NUDT12: variants seen among roughly 807,000 people sequenced by gnomAD.
NUDT12 encodes the protein nudix hydrolase 12.
NUDT12 carries 42 observed loss-of-function variants against 45.7 expected under a neutral mutation model. The ratio of observed to expected loss-of-function variants is 0.92; its 90% CI spans 0.72 to 1.19. The LOEUF (loss-of-function observed/expected upper bound fraction) is 1.19, where lower values mean the gene tolerates loss of function less well. NUDT12 is among the 50% of genes most tolerant of loss of function. The pLI is 0.00. For missense variants in NUDT12, 590 were observed against 533.1 expected, an observed-to-expected ratio of 1.11 and a Z score of -1.05; for synonymous variants, 206 against 179.7, an observed-to-expected ratio of 1.15 and a Z score of -1.17.
At chr5:103,561,801 TTC>T (rs1402036322) in intron 1 of NUDT12, among the ~76,000 whole-genome samples, 1 of 152,210 alleles carries the variant, frequency 6.6e-6, no homozygotes, top group Non-Finnish European at 1.5e-5. Context: ...CTCCCTCACA[TTC>T]TCACAGGCCG....
At chr5:103,553,523 G>A (rs933518784) in intron 5 of NUDT12, among the ~76,000 whole-genome samples, 1 of 152,032 alleles carries the variant, frequency 6.6e-6, no homozygotes, top group Non-Finnish European at 1.5e-5. Context: ...TGTTCTGCTG[G>A]AGGAAGTGTA....
chr5:103,560,244 G>T lies in NUDT12; in HGVS notation c.5C>A (p.Ser2Tyr), dbSNP rs1731836557. 5 of 1,610,808 alleles carry T rather than the reference G, an allele frequency of 3.1e-6. 1 individual carries two copies. In the African/African-American group the frequency reaches 6.7e-5, roughly 21 times the overall value. Residue 2 changes from serine (S) to tyrosine (Y), a missense_variant, in exon 2 of 7, where the codon TCT becomes TAT. Ser to Tyr is a moderately radical substitution (Grantham distance 144). Transcript: ENST00000230792. ...TTGCTTCAGACTTCTTTTTACAGAA[G>T]ACATTTCTTCCTTAAAAGAAGGAAA... M[S>Y]SVKRSLKQEI...
Position 103,562,716 on chromosome 5 carries a change from C to T in NUDT12, c.-20G>A, listed in dbSNP as rs989582094. ...GCTTCTACTAACCCAAAGGTGACCACAGTAGAGGCAACCAGGATGCAGTCC... is the reference window on the plus strand; with the variant it reads ...GCTTCTACTAACCCAAAGGTGACCATAGTAGAGGCAACCAGGATGCAGTCC... On this transcript the variant is annotated 5_prime_UTR_variant, in exon 1 of 7. The change creates a new upstream start codon in the 5' untranslated region. Transcript: ENST00000230792. The T allele has an allele frequency of 1.4e-5, 2 of 147,982 alleles. No homozygotes were observed. The highest frequency in any genetic ancestry group is 7.0e-5 in the Admixed American group (1 of 14,236). The allele number at this position is 147,982 out of a possible 1,614,324, so 9.2% of individuals were successfully genotyped here. A position where few individuals can be genotyped will look rare whatever the true frequency, so the allele number is the denominator to read the frequency against.
chr5:103,562,595 A>C (rs1207900992), intron 1 of NUDT12, 108 bp downstream of exon 1: 1 of 151,768 alleles, frequency 6.6e-6, no homozygotes, highest in African/African-American at 2.4e-5. Flanking sequence ...CCGCCACACA[A>C]CTCAGCAGGG....
intron 3 of NUDT12, 81 bp from the exon 4 acceptor site, chr5:103,556,179 C>A: frequency 2.0e-6 from 2 of 978,028 alleles, no homozygotes; most frequent in East Asian, 3.0e-5. Flanking sequence ...TCTCAAGCTA[C>A]AATAAGAATA....
At chr5:103,557,009 A>G (rs1413893841) in intron 3 of NUDT12, among the ~76,000 whole-genome samples, 3 of 151,994 alleles carry the variant, frequency 2.0e-5, no homozygotes, top group African/African-American at 7.2e-5. Flanking sequence ...TTATTTCAGA[A>G]TCATCACAAT....
In NUDT12 at chr5:103,555,965, G is replaced by C. The variant is rs764262601; in HGVS notation, c.930C>G (p.Leu310=). The C allele has an allele frequency of 7.5e-6, 12 of 1,604,198 alleles. No individual in the cohort carries two copies. In the East Asian group the frequency reaches 2.7e-4, roughly 36 times the overall value. The stretch of plus-strand genomic sequence containing the variant: ...GGTATGAGGTATTATGGACGCCATT[G>C]AGACTAGGACAGTCTTCTTTTAAAC... The part of the protein sequence containing the change: ...RLCLKEDCPS[L]NGVHNTSYPR... The change falls in exon 4 of 7, where the codon CTC becomes CTG. Residue 310 remains leucine (L), a synonymous_variant. Transcript: ENST00000230792.
chr5:103,562,149 T>C (rs539897782), intron 1 of NUDT12, among the ~76,000 whole-genome samples: 1 of 152,318 alleles, frequency 6.6e-6, no homozygotes, highest in East Asian at 1.9e-4. Flanking sequence ...GAATATTAGA[T>C]GTAAAGGGAC....
intron 6 of NUDT12, among the ~76,000 whole-genome samples, chr5:103,551,933 AACC>A (rs1314341928): frequency 2.6e-5 from 4 of 152,174 alleles, no homozygotes; most frequent in African/African-American, 9.7e-5. Flanking sequence ...TGTTTTTCTA[AACC>A]CACTGATAGG....
In NUDT12 at chr5:103,559,151, C is replaced by G; in HGVS notation, c.524G>C (p.Arg175Thr). The change falls in exon 3 of 7, where the codon AGG becomes ACG. Residue 175 changes from arginine (R) to threonine (T), a missense_variant. By Grantham distance (71) the Arg-to-Thr change is moderately conservative (BLOSUM62 -1). Transcript: ENST00000230792. ...ATCTGTGTAGTTCAGCTGACAAAGCCTAACTTCTGGCTGTTGGAAACTTTC... is the reference window on the plus strand; with the variant it reads ...ATCTGTGTAGTTCAGCTGACAAAGCGTAACTTCTGGCTGTTGGAAACTTTC... ...NKESFQQPEV[R>T]LCQLNYTDIK... 6.4e-7 allele frequency: 1 copy of G among 1,568,728 alleles called. No homozygotes were observed. Among genetic ancestry groups the G allele is most frequent in the Non-Finnish European group, 8.6e-7 (1 of 1,160,550 alleles).
At chr5:103,562,541 G>C (rs1393662503) in intron 1 of NUDT12, among the ~76,000 whole-genome samples, 162 bp downstream of exon 1, 1 of 151,800 alleles carries the variant, frequency 6.6e-6, no homozygotes, top group African/African-American at 2.4e-5. Flanking sequence ...CTGCAAATGC[G>C]TCCGTGGCTC....
At chr5:103,553,163 A>C (rs1562617309) in intron 5 of NUDT12, among the ~76,000 whole-genome samples, 1 of 152,044 alleles carries the variant, frequency 6.6e-6, no homozygotes, top group Non-Finnish European at 1.5e-5. Context: ...CCTACATGAA[A>C]ATTAACTTAT....
intron 5 of NUDT12, among the ~76,000 whole-genome samples, chr5:103,552,724 A>G (rs898112385): frequency 1.6e-4 from 24 of 152,188 alleles, no homozygotes; most frequent in African/African-American, 5.8e-4. Context: ...AACACTATGC[A>G]AACACTTTAT....
intron 1 of NUDT12, among the ~76,000 whole-genome samples, chr5:103,560,588 C>T (rs1238065165): frequency 7.9e-3 from 2 of 254 alleles, no homozygotes; most frequent in East Asian, 0.25. Context: ...GGGGACTTCA[C>T]GATGGGTGGG....
chr5:103,550,216 G>T lies in NUDT12; in HGVS notation c.*645C>A, dbSNP rs1327294926. Reference sequence around the variant, plus strand: ...AGTATGCTTTTCTCCTTCCATGAGGGTGTGGTATTGAGATCACTATTAAAT... The same window carrying T: ...AGTATGCTTTTCTCCTTCCATGAGGTTGTGGTATTGAGATCACTATTAAAT... On this transcript the variant is annotated 3_prime_UTR_variant, in exon 7 of 7. Coordinates refer to ENST00000230792, the MANE Select transcript of NUDT12 (RefSeq NM_031438.4). The T allele has an allele frequency of 6.6e-6, 1 of 152,110 alleles. No homozygotes were observed. Among genetic ancestry groups the T allele is most frequent in the African/African-American group, 2.4e-5 (1 of 41,416 alleles). 9.4% of individuals were successfully genotyped at this position (152,110 alleles called of 1,614,324 possible). A position where few individuals can be genotyped will look rare whatever the true frequency, so the allele number is the denominator to read the frequency against.
At chr5:103,555,871 T>A (rs1177409688) in intron 4 of NUDT12, 60 bp downstream of exon 4, 8 of 1,326,908 alleles carry the variant, frequency 6.0e-6, no homozygotes, top group Non-Finnish European at 6.9e-6. Flanking sequence ...AAATTTTCTC[T>A]TTCCAAAATA....
chr5:103,560,019 G>A (rs1748980236), intron 2 of NUDT12, 24 bp downstream of exon 2: 1 of 1,530,276 alleles, frequency 6.5e-7, no homozygotes. Flanking sequence ...AACCCTTTCA[G>A]GTGGTACAGC....
In NUDT12 at chr5:103,558,937, A is replaced by G. The variant is rs1748919939; in HGVS notation, c.738T>C (p.Asn246=). The change falls in exon 3 of 7, where the codon AAT becomes AAC. Residue 246 remains asparagine (N), a synonymous_variant. Coordinates refer to ENST00000230792, the MANE Select transcript of NUDT12 (RefSeq NM_031438.4). ...GCATAGGAGGATGAAGAAAGTAACA[A>G]TTTTCATGTCTTTGCTTGAATTCTT... ...AAEEFKQRHE[N]CYFLHPPMPA... 3 of 1,609,944 alleles carry G rather than the reference A, an allele frequency of 1.9e-6. No homozygotes were observed. The highest frequency in any genetic ancestry group is 1.7e-6 in the Non-Finnish European group (2 of 1,178,512).
chr5:103,552,362 T>G lies in NUDT12; in HGVS notation c.1133A>C (p.Lys378Thr). 1 of 1,613,964 alleles carries G rather than the reference T, an allele frequency of 6.2e-7. No individual in the cohort carries two copies. The highest frequency in any genetic ancestry group is 1.1e-5 in the South Asian group (1 of 91,082). The change falls in exon 6 of 7, where the codon AAA becomes ACA. Residue 378 changes from lysine to threonine, a missense_variant. Lys to Thr is a moderately conservative substitution (Grantham distance 78). Coordinates refer to ENST00000230792, the MANE Select transcript of NUDT12 (RefSeq NM_031438.4). The part of the protein sequence containing the change: ...RREVEEESGV[K>T]VGHVQYVACQ... The stretch of plus-strand genomic sequence containing the variant: ...AGCAACATACTGAACATGGCCAACT[T>G]TGACTCCACTTTCCTCTTCTACTTC...
Sources: allele counts gnomAD v4.1 joint callset (sites outside exome capture counted in the v4.1 genomes callset), GRCh38; gene constraint gnomAD v4.1.1; transcripts MANE v1.5; gene names NCBI Gene and HGNC (gene_info 2026-07-23, HGNC 2026-07-21).